Variants in DPP9 observed in about 807,000 individuals in gnomAD.
The protein encoded by DPP9 is dipeptidyl peptidase IV-related protein-2.
Under a neutral mutation model 110.7 loss-of-function variants are expected in DPP9, and 50 were observed. The ratio of observed to expected loss-of-function variants is 0.45; its 90% CI spans 0.36 to 0.57. The LOEUF is 0.57. Among genes scored for constraint, DPP9 ranks in the 20% least tolerant of loss-of-function variants. The pLI is 0.00. For synonymous variants in DPP9, 561 were observed against 514.4 expected, an observed-to-expected ratio of 1.09 and a Z score of -1.23; for missense variants, 1,022 against 1,217.9, an observed-to-expected ratio of 0.84 and a Z score of 2.39.
At chr19:4,715,394 A>C (rs558826440) in intron 3 of DPP9, 1 of 152,086 alleles carries the variant, frequency 6.6e-6, no homozygotes, top group East Asian at 1.9e-4. Flanking sequence ...CACACCATCC[A>C]CGCTGAAGCT....
chr19:4,722,280 T>G, intron 2 of DPP9: 1 of 557,756 alleles, frequency 1.8e-6, no homozygotes, highest in South Asian at 2.2e-5. Context: ...CCTCAAAGCC[T>G]TCAAAAAGCT....
intron 4 of DPP9, 55 bp from the exon 5 acceptor site, chr19:4,706,025 C>G: frequency 6.7e-7 from 1 of 1,486,348 alleles, no homozygotes; most frequent in Non-Finnish European, 9.3e-7. Flanking sequence ...GATGGGGAGA[C>G]GCCCTCAGCC....
chr19:4,683,202 G>A (rs1026160099), intron 19 of DPP9: 61 of 1,427,624 alleles, frequency 4.3e-5, no homozygotes, highest in South Asian at 1.9e-4. Context: ...CTGCCCATCC[G>A]AGGCCGGGGT....
In DPP9 at chr19:4,712,666, G is replaced by A. The variant is rs183254852; in HGVS notation, c.313+1415C>T. 1.1e-4 allele frequency among the ~76,000 whole-genome samples: 17 copies of A among 152,298 alleles called. No individual in the cohort carries two copies. The East Asian group carries it at 3.1e-3, about 28-fold the overall frequency. On this transcript the variant is annotated intron_variant, in intron 4 of 21. Coordinates refer to ENST00000262960, the MANE Select transcript of DPP9 (RefSeq NM_139159.5). ...AGCTTGAGAACAGCCAAAGATGTCA[G>A]GAAAGTAACAGGGACCAGGAAAACC...
chr19:4,685,693 T>C lies in DPP9; in HGVS notation c.1964A>G (p.Tyr655Cys), dbSNP rs1169972742. 1 of 1,613,388 alleles carries C rather than the reference T, an allele frequency of 6.2e-7. No homozygotes were observed. Among genetic ancestry groups the C allele is most frequent in the African/African-American group, 1.3e-5 (1 of 74,994 alleles). ...RSDVRLYGMI[Y>C]KPHALQPGKK... ...CCCTGGCTGCAAGGCGTGGGGCTTGTAGATCATGCCGTAGAGCCGCACATC... is the reference window on the plus strand; with the variant it reads ...CCCTGGCTGCAAGGCGTGGGGCTTGCAGATCATGCCGTAGAGCCGCACATC... Residue 655 changes from tyrosine (Y) to cysteine (C), a missense_variant, in exon 17 of 22, where the codon TAC becomes TGC. By Grantham distance (194) the Tyr-to-Cys change is radical. Transcript: ENST00000262960. This position sits in a 1 kb window ranked among gnomAD's most constrained non-coding sequence, Gnocchi z 5.8.
In DPP9 at chr19:4,689,754, T is replaced by C; in HGVS notation, c.1597-32A>G. The C allele has an allele frequency of 2.0e-6, 3 of 1,530,118 alleles. No homozygotes were observed. The highest frequency in any genetic ancestry group is 2.6e-6 in the Non-Finnish European group (3 of 1,133,150). 94.8% of individuals were successfully genotyped at this position (1,530,118 alleles called of 1,614,324 possible). On this transcript the variant is annotated intron_variant, in intron 14 of 21. Coordinates refer to ENST00000262960, the MANE Select transcript of DPP9 (RefSeq NM_139159.5). The surrounding 1 kb of genome is among the most constrained non-coding windows in gnomAD (Gnocchi z 7.0). ...GGGGACAGGGGATCCTCGTGATGCG[T>C]CCCAGATGCCCCTGGGCCCACACCC...
Position 4,702,031 on chromosome 19 carries a change from C to A in DPP9, c.1008G>T (p.Arg336Ser). The A allele has an allele frequency of 6.2e-7, 1 of 1,613,538 alleles. No individual in the cohort carries two copies. Among genetic ancestry groups the A allele is most frequent in the Non-Finnish European group, 8.5e-7 (1 of 1,179,586 alleles). Residue 336 changes from arginine to serine, a missense_variant, in exon 9 of 22, where the codon AGG becomes AGT. Transcript: ENST00000262960. Reference protein sequence around the residue: ...ERKTDSYRYPRTGSKNPKIAL... With the variant: ...ERKTDSYRYPSTGSKNPKIAL... ...TCACATGTACCGGGCACTCACCTGT[C>A]CTGGGGTACCGATACGAGTCCGTCT...
chr19:4,701,041 G>A (rs1305383402), intron 9 of DPP9, among the ~76,000 whole-genome samples: 5 of 152,204 alleles, frequency 3.3e-5, no homozygotes, highest in East Asian at 1.9e-4. Context: ...AGGCACTCGC[G>A]GAGTATGGGC....
At chr19:4,679,701 G>A (rs1052289523) in intron 21 of DPP9, 134 bp downstream of exon 21, 4 of 675,632 alleles carry the variant, frequency 5.9e-6, no homozygotes, top group Non-Finnish European at 1.0e-5. Context: ...AGGGCTGTGG[G>A]GTGGGGGGCT....
At chr19:4,688,226 C>CA (rs2090977485) in intron 16 of DPP9, 1 of 152,482 alleles carries the variant, frequency 6.6e-6, no homozygotes, top group South Asian at 2.1e-4. Context: ...CCCCCCATCT[C>CA]AGTCTCTGGA....
At chr19:4,702,222 CG>C in intron 8 of DPP9, 67 bp from the exon 9 acceptor site, 1 of 1,534,116 alleles carries the variant, frequency 6.5e-7, no homozygotes, top group Non-Finnish European at 8.8e-7. Flanking sequence ...CAGCACCCCC[CG>C]CCCCCTGCAG....
chr19:4,715,003 T>C (rs2093009861), intron 3 of DPP9, among the ~76,000 whole-genome samples: 1 of 146,916 alleles, frequency 6.8e-6, no homozygotes, highest in Admixed American at 7.0e-5. Flanking sequence ...CTTTGATATA[T>C]GTTTATATAT....
At chr19:4,711,595 A>C (rs572329748) in intron 4 of DPP9, among the ~76,000 whole-genome samples, 1 of 152,032 alleles carries the variant, frequency 6.6e-6, no homozygotes, top group East Asian at 1.9e-4. Flanking sequence ...CAACATGGAG[A>C]AACCCTGCTT....
chr19:4,679,076 C>T (rs903676221), intron 21 of DPP9, among the ~76,000 whole-genome samples: 26 of 151,404 alleles, frequency 1.7e-4, no homozygotes, highest in African/African-American at 5.6e-4. Context: ...AGGGCCCCCC[C>T]TCCTCTACAG....
intron 4 of DPP9, among the ~76,000 whole-genome samples, chr19:4,709,154 G>A (rs546723958): frequency 9.9e-5 from 15 of 152,130 alleles, no homozygotes; most frequent in South Asian, 4.1e-4. Flanking sequence ...TTCTGACCTC[G>A]TGATCTGCCT....
chr19:4,714,099 G>T lies in DPP9; in HGVS notation c.295C>A (p.His99Asn). ...GGCTTACCCAGGTAGTAGAGGCGGT[G>T]GGAGTGGGGCCCAGACTCATCCGTC... is the stretch of plus-strand genomic sequence containing the variant. ...QKTDESGPHS[H>N]RLYYLGMPYG... The change falls in exon 4 of 22, where the codon CAC (histidine) becomes AAC (asparagine). Residue 99 changes from histidine (H) to asparagine (N), a missense_variant. This residue lies in a region of DPP9 where 810 missense variants were observed against 920.6 expected (regional missense o/e 0.88). Coordinates refer to ENST00000262960, the MANE Select transcript of DPP9 (RefSeq NM_139159.5). 6.2e-7 allele frequency: 1 copy of T among 1,611,724 alleles called. No homozygotes were observed.
chr19:4,720,028 T>TCA, intron 2 of DPP9, 87 bp from the exon 3 acceptor site: 1 of 1,167,134 alleles, frequency 8.6e-7, no homozygotes, highest in Non-Finnish European at 1.2e-6. Context: ...CCCCTCCTCA[T>TCA]TGCTCCAGGC....
In DPP9 at chr19:4,700,423, G is replaced by A. The variant is rs1020548740; in HGVS notation, c.1013-146C>T. 3.6e-6 allele frequency: 2 copies of A among 550,272 alleles called. No homozygotes were observed. Among genetic ancestry groups the A allele is most frequent in the African/African-American group, 3.8e-5 (2 of 52,114 alleles). 34.1% of individuals were successfully genotyped at this position (550,272 alleles called of 1,614,324 possible). Reference sequence around the variant, plus strand: ...AGGCAGGAGAAGCCAGGTGTCCCACGGTCTGTCTGTAGGCACATCGTCCTG... The same window carrying A: ...AGGCAGGAGAAGCCAGGTGTCCCACAGTCTGTCTGTAGGCACATCGTCCTG... On this transcript the variant is annotated intron_variant, in intron 9 of 21. Transcript: ENST00000262960. The surrounding 1 kb of genome is among the most constrained non-coding windows in gnomAD (Gnocchi z 4.3).
In DPP9 at chr19:4,714,072, C is replaced by G. The variant is rs369330515; in HGVS notation, c.313+9G>C. The G allele has an allele frequency of 6.2e-7, 1 of 1,605,106 alleles. No homozygotes were observed. Among genetic ancestry groups the G allele is most frequent in the African/African-American group, 1.3e-5 (1 of 74,844 alleles). On this transcript the variant is annotated intron_variant, in intron 4 of 21. Transcript: ENST00000262960. ...TCCCCGCCCAAGCAGCCTGCAGGGC[C>G]CGGCTTACCCAGGTAGTAGAGGCGG... is the stretch of plus-strand genomic sequence containing the variant.
Sources: gnomAD v4.1 joint callset for allele counts (sites outside exome capture counted in the v4.1 genomes callset) on GRCh38, gnomAD v4.1.1 for gene constraint, gnomAD v4.1.1 regional missense constraint, Gnocchi (gnomAD v3.1) non-coding constraint, MANE v1.5 for transcripts, NCBI Gene and HGNC (gene_info 2026-07-23, HGNC 2026-07-21) for gene names.